Variants in PHYHIP observed in about 807,000 individuals in gnomAD.
PHYHIP encodes phytanoyl-CoA hydroxylase-interacting protein.
A neutral mutation model predicts 26.1 loss-of-function variants in PHYHIP; 7 were observed. That is an observed-to-expected ratio of 0.27 (90% confidence interval 0.15 to 0.50). The LOEUF (loss-of-function observed/expected upper bound fraction) is 0.50, where lower values mean the gene tolerates loss of function less well. PHYHIP is among the 20% of genes least tolerant of loss of function. The pLI, the probability that PHYHIP is intolerant of heterozygous loss-of-function variation, is 0.98. For missense variants in PHYHIP, 232 were observed against 454.7 expected (o/e 0.51, Z 4.45); for synonymous variants, 206 against 183.4 (o/e 1.12, Z -1.00).
At chr8:22,229,218 C>G (rs998410902) in intron 1 of PHYHIP, among the ~76,000 whole-genome samples, 3 of 152,120 alleles carry the variant, frequency 2.0e-5, no homozygotes, top group African/African-American at 4.8e-5. Context: ...CCCAAGGCCA[C>G]GCAGAGAGCA....
intron 3 of PHYHIP, among the ~76,000 whole-genome samples, 183 bp downstream of exon 3, chr8:22,226,668 G>T (rs1300577455): frequency 2.0e-5 from 3 of 152,180 alleles, no homozygotes; most frequent in African/African-American, 7.2e-5. Context: ...AGAAGAGAAA[G>T]GTTGGGCTCC....
At chr8:22,225,736 C>T (rs1420794231) in intron 3 of PHYHIP, among the ~76,000 whole-genome samples, 2 of 147,068 alleles carry the variant, frequency 1.4e-5, no homozygotes, top group African/African-American at 2.5e-5. Context: ...ACCCGGGAGG[C>T]GGAGATTGCA....
At chr8:22,229,543 C>T (rs118040417) in intron 1 of PHYHIP, among the ~76,000 whole-genome samples, 7,343 of 152,246 alleles carry the variant, frequency 0.048, 278 homozygotes, top group Admixed American at 0.084. Context: ...CCTGGCTGGC[C>T]TAGCTCCGGG....
intron 3 of PHYHIP, among the ~76,000 whole-genome samples, chr8:22,225,073 A>G (rs942358671): frequency 9.9e-5 from 15 of 152,242 alleles, no homozygotes; most frequent in Admixed American, 7.9e-4. Context: ...ACTGGATTGC[A>G]GCCAGATCTC....
chr8:22,224,199 G>T, intron 4 of PHYHIP, 27 bp downstream of exon 4: 1 of 1,368,378 alleles, frequency 7.3e-7, no homozygotes, highest in Non-Finnish European at 1.0e-6. Context: ...AGGCCCGGCG[G>T]GTCCAGCCGG....
chr8:22,226,640 G>A (rs891174070), intron 3 of PHYHIP, among the ~76,000 whole-genome samples: 3 of 152,142 alleles, frequency 2.0e-5, no homozygotes, highest in Admixed American at 1.3e-4. Flanking sequence ...AGTGGGGTTC[G>A]CATTTGCCTC....
At chr8:22,231,268 A>G (rs1829860545) in intron 1 of PHYHIP, among the ~76,000 whole-genome samples, 1 of 151,772 alleles carries the variant, frequency 6.6e-6, no homozygotes, top group Admixed American at 6.6e-5. Context: ...ACCCCTAAAT[A>G]TACTGCCTCA....
At chr8:22,229,888 A>G (rs949473086) in intron 1 of PHYHIP, among the ~76,000 whole-genome samples, 1 of 152,130 alleles carries the variant, frequency 6.6e-6, no homozygotes, top group Non-Finnish European at 1.5e-5. Flanking sequence ...AGTTGCCTGG[A>G]TGGCAAGTAC....
rs77062406 is a variant in PHYHIP, at chr8:22,224,277, C to T, written c.407G>A (p.Arg136His). ...ATGGTTGCGGTAGAAGACGGAGAAG[C>T]GGAGCATGCGGCCTGCGATCTGCTC... ...KAEQIAGRMLRFSVFYRNHHK... is the reference protein window; with the variant it reads ...KAEQIAGRMLHFSVFYRNHHK... Residue 136 changes from arginine to histidine, a missense_variant, in exon 4 of 5, where the codon CGC (arginine) becomes CAC (histidine). Arg to His is a conservative substitution (Grantham distance 29). Coordinates refer to ENST00000454243, the MANE Select transcript of PHYHIP (RefSeq NM_014759.5). 8 of 1,612,926 alleles carry T rather than the reference C, an allele frequency of 5.0e-6. No individual in the cohort carries two copies. Among genetic ancestry groups the T allele is most frequent in the Admixed American group, 3.3e-5 (2 of 60,010 alleles).
intron 1 of PHYHIP, chr8:22,228,672 C>A: frequency 4.6e-6 from 1 of 219,164 alleles, no homozygotes; most frequent in East Asian, 9.6e-5. Flanking sequence ...CGGGCGGGGA[C>A]AGATTTGCAG....
chr8:22,224,216 G>C lies in PHYHIP; in HGVS notation c.458+10C>G. ...GCCCGGCGGGTCCAGCCGGGAGCCC[G>C]CGCCCATACCTGGCATGCTGGAAGT... On this transcript the variant is annotated intron_variant, in intron 4 of 4. Transcript: ENST00000454243. The C allele has an allele frequency of 2.0e-6, 3 of 1,531,596 alleles. No homozygotes were observed. The highest frequency in any genetic ancestry group is 1.7e-4 in the Middle Eastern group (1 of 5,920). The allele number at this position is 1,531,596 out of a possible 1,614,324, so 94.9% of individuals were successfully genotyped here.
chr8:22,228,279 C>G lies in PHYHIP; in HGVS notation c.79G>C (p.Glu27Gln). Residue 27 changes from glutamate to glutamine, a missense_variant, in exon 2 of 5, where the codon GAG becomes CAG. Coordinates refer to ENST00000454243, the MANE Select transcript of PHYHIP (RefSeq NM_014759.5). The stretch of plus-strand genomic sequence containing the variant: ...GTGACCCTCTCCAGGTCACTGTCCT[C>G]CATGGCCCAGGAGATGCGGAAGGAG... ...CDSFRISWAM[E>Q]DSDLERVTHY... The G allele has an allele frequency of 1.2e-6, 2 of 1,612,914 alleles. No homozygotes were observed. The highest frequency in any genetic ancestry group is 1.7e-6 in the Non-Finnish European group (2 of 1,179,540).
At chr8:22,222,259 G>T (rs964402954) in intron 4 of PHYHIP, among the ~76,000 whole-genome samples, 2 of 151,920 alleles carry the variant, frequency 1.3e-5, no homozygotes, top group African/African-American at 4.8e-5. Context: ...ACAGTCTCCT[G>T]CCTCCGTGAC....
At chr8:22,227,166 AC>A in intron 2 of PHYHIP, 141 bp from the exon 3 acceptor site, 1 of 737,722 alleles carries the variant, frequency 1.4e-6, no homozygotes, top group South Asian at 1.9e-5. Context: ...ATGGCTCCAT[AC>A]CCTGGCCACC....
intron 1 of PHYHIP, among the ~76,000 whole-genome samples, chr8:22,230,215 GCA>G (rs145385890): frequency 1.3e-5 from 2 of 150,826 alleles, no homozygotes; most frequent in African/African-American, 2.4e-5. Flanking sequence ...ACACACACAC[GCA>G]CACACACACA....
rs1406462750 is a variant in PHYHIP, at chr8:22,228,181, CCTT to C, written c.165+9_165+11del. 1.2e-6 allele frequency: 2 copies of C among 1,612,716 alleles called. No individual in the cohort carries two copies. The highest frequency in any genetic ancestry group is 1.7e-6 in the Non-Finnish European group (2 of 1,178,946). On this transcript the variant is annotated intron_variant, in intron 2 of 4. Transcript: ENST00000454243. ...AAGCTGGGGAGGGGCTCCCAGGACA[CCTT>C]CTACTCACCCGGTGCTTGAACTTGT...
At chr8:22,228,432 C>A (rs1384742907) in intron 1 of PHYHIP, 46 bp from the exon 2 acceptor site, 1 of 1,189,230 alleles carries the variant, frequency 8.4e-7, no homozygotes, top group Non-Finnish European at 1.2e-6. Context: ...CCCCGGCGAG[C>A]TTTCTGGAAT....
intron 3 of PHYHIP, among the ~76,000 whole-genome samples, 192 bp downstream of exon 3, chr8:22,226,656 AGAG>A (rs1829751262): frequency 6.6e-6 from 1 of 152,182 alleles, no homozygotes; most frequent in Admixed American, 6.5e-5. Context: ...GCCTCCAGTG[AGAG>A]AAGAGAAAGG....
chr8:22,221,787 T>C lies in PHYHIP; in HGVS notation c.559A>G (p.Asn187Asp), dbSNP rs1401494403. The C allele has an allele frequency of 6.2e-7, 1 of 1,611,624 alleles. No individual in the cohort carries two copies. Among genetic ancestry groups the C allele is most frequent in the Non-Finnish European group, 8.5e-7 (1 of 1,179,178 alleles). ...GMLHGVFFSC[N>D]TEFNTGQPPQ... is the part of the protein sequence containing the mutation. ...GGCTGGCCCGTGTTGAACTCCGTGT[T>C]GCAGCTGAAGAAGACCCCGTGGAGC... is the stretch of plus-strand genomic sequence containing the variant. Residue 187 changes from asparagine to aspartate, a missense_variant, in exon 5 of 5, where the codon AAC becomes GAC. Coordinates refer to ENST00000454243, the MANE Select transcript of PHYHIP (RefSeq NM_014759.5). This position sits in a 1 kb window ranked among gnomAD's most constrained non-coding sequence, Gnocchi z 7.9.
Sources: allele counts gnomAD v4.1 joint callset (sites outside exome capture counted in the v4.1 genomes callset), GRCh38; gene constraint gnomAD v4.1.1; non-coding constraint Gnocchi (gnomAD v3.1); transcripts MANE v1.5; gene names NCBI Gene and HGNC (gene_info 2026-07-23, HGNC 2026-07-21).